DIP2A: variants seen among roughly 807,000 people sequenced by gnomAD.
DIP2A encodes the protein DIP2 acetate--CoA ligase A.
A neutral mutation model predicts 177.4 loss-of-function variants in DIP2A; 85 were observed. That is an observed-to-expected ratio of 0.48 (90% CI 0.40 to 0.57). The LOEUF (loss-of-function observed/expected upper bound fraction) is 0.57. DIP2A is among the 20% of genes least tolerant of loss of function. The pLI is 0.00. For synonymous variants in DIP2A, 886 were observed against 881.8 expected (o/e 1.00, Z -0.08); for missense variants, 1,791 against 2,100.2 (o/e 0.85, Z 2.88).
intron 1 of DIP2A, among the ~76,000 whole-genome samples, chr21:46,479,524 C>T (rs1260535285): frequency 6.6e-6 from 1 of 152,100 alleles, no homozygotes; most frequent in Non-Finnish European, 1.5e-5. Context: ...CAGCGTTAAG[C>T]ATAATAATTT....
At chr21:46,509,133 GGC>G (rs2058180131) in intron 6 of DIP2A, 122 bp from the exon 7 acceptor site, 2 of 1,058,186 alleles carry the variant, frequency 1.9e-6, no homozygotes, top group African/African-American at 3.2e-5. Flanking sequence ...TGTCCAGTGG[GGC>G]CCACACTTGG....
At chr21:46,482,432 G>A (rs2056411781) in intron 1 of DIP2A, among the ~76,000 whole-genome samples, 1 of 152,186 alleles carries the variant, frequency 6.6e-6, no homozygotes, top group Non-Finnish European at 1.5e-5. Context: ...CTGCTGTGCT[G>A]CCAGTCTTAA....
rs138458828 is a variant in DIP2A at position 46,554,129 on chromosome 21, C to T, written c.3031-40C>T. ...CAGATCTGCGAACAGCCCACCTGCACGCACCAGCATACAGATGAGCTCAAA... is the reference window on the plus strand; with the variant it reads ...CAGATCTGCGAACAGCCCACCTGCATGCACCAGCATACAGATGAGCTCAAA... On this transcript the variant is annotated intron_variant, in intron 25 of 37. Coordinates refer to ENST00000417564, the MANE Select transcript of DIP2A (RefSeq NM_015151.4). 139 of 1,597,672 alleles carry T rather than the reference C, an allele frequency of 8.7e-5. No homozygotes were observed. In the African/African-American group the frequency reaches 1.1e-3, roughly 12 times the overall value.
intron 23 of DIP2A, among the ~76,000 whole-genome samples, 199 bp from the exon 24 acceptor site, chr21:46,551,435 G>A (rs1252351096): frequency 5.3e-5 from 8 of 151,538 alleles, no homozygotes; most frequent in South Asian, 2.1e-4. Context: ...TCAATAAGGC[G>A]TAGTTTATGT....
chr21:46,560,353 G>A lies in DIP2A; in HGVS notation c.3970-369G>A, dbSNP rs1326048912. ...CCCCGGTAGAATTAGGCTGGTTGGT[G>A]AGAGGCAAGGCCCTGCCTGACAGCA... On this transcript the variant is annotated intron_variant, in intron 32 of 37. Coordinates refer to ENST00000417564, the MANE Select transcript of DIP2A (RefSeq NM_015151.4). Among the ~76,000 whole-genome samples the A allele has an allele frequency of 3.3e-5, 5 of 152,358 alleles. No homozygotes were observed. The East Asian group carries it at 9.6e-4, about 29-fold the overall frequency.
In DIP2A at chr21:46,554,870, C is replaced by T. The variant is rs1434736913; in HGVS notation, c.3325C>T (p.Leu1109Phe). ...VLTTQAVTRL[L>F]RSKEAAAAVD... ...CACCACGCAGGCTGTCACACGGCTG[C>T]TCAGGTCCAAGGAGGCTGCTGCTGC... Residue 1109 changes from leucine to phenylalanine, a missense_variant, in exon 28 of 38, where the codon CTC (leucine) becomes TTC (phenylalanine). By Grantham distance (22) the Leu-to-Phe change is conservative. Transcript: ENST00000417564. 34 of 1,552,076 alleles carry T rather than the reference C, an allele frequency of 2.2e-5. No individual in the cohort carries two copies. The highest frequency in any genetic ancestry group is 3.0e-5 in the Non-Finnish European group (34 of 1,148,244).
chr21:46,538,451 G>T (rs1460268261), intron 15 of DIP2A, 32 bp from the exon 16 acceptor site: 2 of 1,537,672 alleles, frequency 1.3e-6, no homozygotes, highest in Admixed American at 2.0e-5. Context: ...TCCTTGTGAC[G>T]CAGGGATGTC....
chr21:46,536,194 CCT>C (rs2059562079), intron 13 of DIP2A, among the ~76,000 whole-genome samples: 5 of 152,248 alleles, frequency 3.3e-5, no homozygotes, highest in Admixed American at 3.3e-4. Context: ...ACAAATCAAA[CCT>C]CTCCTGTTTG....
chr21:46,494,730 T>C (rs1013171226), intron 3 of DIP2A, among the ~76,000 whole-genome samples: 2 of 152,260 alleles, frequency 1.3e-5, no homozygotes, highest in African/African-American at 4.8e-5. Context: ...TCTTCTTTTC[T>C]TCTGTCAGTA....
At chr21:46,528,959 T>A (rs934443424) in intron 8 of DIP2A, 133 bp from the exon 9 acceptor site, 1 of 530,972 alleles carries the variant, frequency 1.9e-6, no homozygotes, top group Non-Finnish European at 3.2e-6. Flanking sequence ...GCAGAATAGT[T>A]ATTAGTTGGA....
At chr21:46,511,707 C>T in intron 8 of DIP2A, 93 bp downstream of exon 8, 1 of 1,285,910 alleles carries the variant, frequency 7.8e-7, no homozygotes, top group Non-Finnish European at 1.0e-6. Context: ...ATAAATATTC[C>T]TGAGAAACCA....
At chr21:46,517,096 C>A (rs2058620422) in intron 8 of DIP2A, among the ~76,000 whole-genome samples, 1 of 106,624 alleles carries the variant, frequency 9.4e-6, no homozygotes, top group Non-Finnish European at 1.7e-5. Context: ...CAGAGTCTTG[C>A]TCTGTTGCCC....
In DIP2A at chr21:46,557,612, G is replaced by T; in HGVS notation, c.3657G>T (p.Leu1219=). 6.2e-7 allele frequency: 1 copy of T among 1,613,320 alleles called. No homozygotes were observed. Residue 1219 remains leucine (L), a synonymous_variant, in exon 31 of 38, where the codon CTG becomes CTT. Coordinates refer to ENST00000417564, the MANE Select transcript of DIP2A (RefSeq NM_015151.4). The surrounding 1 kb of genome is among the most constrained non-coding windows in gnomAD (Gnocchi z 6.0). Reference sequence around the variant, plus strand: ...TCTACTCGGGACACCAATCAGTGCTGGTGCCCCCGCTGGAGCTGGAGAGCA... The same window carrying T: ...TCTACTCGGGACACCAATCAGTGCTTGTGCCCCCGCTGGAGCTGGAGAGCA... ...CSVYSGHQSV[L]VPPLELESNV...
Position 46,551,650 on chromosome 21 carries a change from A to C in DIP2A, c.2856A>C (p.Ser952=). The C allele has an allele frequency of 6.2e-7, 1 of 1,613,986 alleles. No individual in the cohort carries two copies. The highest frequency in any genetic ancestry group is 8.5e-7 in the Non-Finnish European group (1 of 1,179,876). Residue 952 remains serine (S), a synonymous_variant, in exon 24 of 38, where the codon TCA becomes TCC. Coordinates refer to ENST00000417564, the MANE Select transcript of DIP2A (RefSeq NM_015151.4). ...CGTTTCTAGAGGTTGGACCAGCCTC[A>C]ATGATCGTGGGGAACCTGGTTGCTG... The part of the protein sequence containing the change: ...RQKQPEVGPA[S]MIVGNLVAGK...
chr21:46,512,485 G>A lies in DIP2A; in HGVS notation c.1102+871G>A, dbSNP rs567128405. ...TATTGTTTATTTCATTATAGTCTTT[G>A]TTGTAGGTGTGTTGTAGCACAGGCT... On this transcript the variant is annotated intron_variant, in intron 8 of 37. Transcript: ENST00000417564. 4.6e-5 allele frequency among the ~76,000 whole-genome samples: 7 copies of A among 152,286 alleles called. No homozygotes were observed. The South Asian group carries it at 1.4e-3, about 32-fold the overall frequency.
the DIP2A span, among the ~76,000 whole-genome samples, chr21:46,579,081 T>C: frequency 2.0e-5 from 3 of 152,228 alleles, no homozygotes; most frequent in Non-Finnish European, 4.4e-5. Context: ...TAAATCCTTC[T>C]GGTCCTGGGT....
intron 2 of DIP2A, among the ~76,000 whole-genome samples, 185 bp downstream of exon 2, chr21:46,485,013 C>T (rs570116415): frequency 6.6e-6 from 1 of 152,196 alleles, no homozygotes; most frequent in Admixed American, 6.5e-5. Flanking sequence ...AAAAATATGC[C>T]TCTAATATTA....
At position 46,563,660 on chromosome 21, in the gene DIP2A, T is replaced by G; in HGVS notation, c.4090-198T>G. 1 of 974,858 alleles carries G rather than the reference T, an allele frequency of 1.0e-6. No individual in the cohort carries two copies. The highest frequency in any genetic ancestry group is 1.4e-6 in the Non-Finnish European group (1 of 697,460). The allele number at this position is 974,858 out of a possible 1,614,324, so 60.4% of individuals were successfully genotyped here. A position where few individuals can be genotyped will look rare whatever the true frequency, so the allele number is the denominator to read the frequency against. On this transcript the variant is annotated intron_variant, in intron 34 of 37. Coordinates refer to ENST00000417564, the MANE Select transcript of DIP2A (RefSeq NM_015151.4). The surrounding 1 kb of genome is among the most constrained non-coding windows in gnomAD (Gnocchi z 4.3). ...TCCCTTCTCAGGAACTGGAGTCATT[T>G]TGCTTATTTCTATTAACATCTCTTA...
intron 3 of DIP2A, among the ~76,000 whole-genome samples, chr21:46,496,313 G>A (rs986391170): frequency 1.5e-4 from 23 of 152,224 alleles, no homozygotes; most frequent in Non-Finnish European, 2.2e-4. Context: ...CAGGACTCAC[G>A]AAGAATCTAT....
Sources: allele counts gnomAD v4.1 joint callset (sites outside exome capture counted in the v4.1 genomes callset), GRCh38; gene constraint gnomAD v4.1.1; non-coding constraint Gnocchi (gnomAD v3.1); transcripts MANE v1.5; gene names NCBI Gene and HGNC (gene_info 2026-07-23, HGNC 2026-07-21).